Variants in ERC1 observed in about 807,000 individuals in gnomAD.
The protein encoded by ERC1 is ELKS/RAB6-interacting/CAST family member 1.
Under a neutral mutation model 132.0 loss-of-function variants are expected in ERC1, and 56 were observed. That is an observed-to-expected ratio of 0.42 (90% CI 0.34 to 0.53). ERC1 has a LOEUF of 0.53. ERC1 is among the 20% of genes least tolerant of loss of function. The probability of loss-of-function intolerance (pLI) is 0.03; values close to 1 mark genes in which losing one functional copy is unlikely to be tolerated. For synonymous variants in ERC1, 478 were observed against 476.1 expected, an observed-to-expected ratio of 1.00 and a Z score of -0.05; for missense variants, 1,202 against 1,349.9, an observed-to-expected ratio of 0.89 and a Z score of 1.72.
chr12:1,468,853 G>A (rs958109806), intron 18 of ERC1, among the ~76,000 whole-genome samples: 4 of 152,168 alleles, frequency 2.6e-5, no homozygotes, highest in Non-Finnish European at 5.9e-5. Context: ...AAGCTAAGTG[G>A]CAGAGTTAGA....
intron 17 of ERC1, among the ~76,000 whole-genome samples, chr12:1,417,684 GGCAGGAGAATCACTTTAAC>G (rs2092186915): frequency 6.6e-6 from 1 of 151,604 alleles, no homozygotes; most frequent in Non-Finnish European, 1.5e-5. Flanking sequence ...GGAAGGCTGA[GGCAGGAGAATCACTTTAAC>G]GCAGGAGACA....
intron 12 of ERC1, among the ~76,000 whole-genome samples, chr12:1,213,180 T>C (rs1958039792): frequency 6.6e-6 from 1 of 152,202 alleles, no homozygotes; most frequent in African/African-American, 2.4e-5. Flanking sequence ...TTCCTGACTC[T>C]TTCTGCCTAA....
chr12:1,225,485 C>A (rs1382988218), intron 12 of ERC1, among the ~76,000 whole-genome samples: 1 of 151,496 alleles, frequency 6.6e-6, no homozygotes, highest in Non-Finnish European at 1.5e-5. Context: ...CACACACACA[C>A]ACACACACGG....
chr12:1,480,805 T>G (rs1026691950), intron 18 of ERC1: 3 of 702,264 alleles, frequency 4.3e-6, no homozygotes, highest in Admixed American at 2.0e-5. Flanking sequence ...AGGGGAAGTT[T>G]CAGACACTAA....
intron 13 of ERC1, among the ~76,000 whole-genome samples, chr12:1,259,667 C>T (rs1405467801): frequency 2.6e-5 from 4 of 151,532 alleles, no homozygotes; most frequent in Non-Finnish European, 4.4e-5. Flanking sequence ...GGATTACAGG[C>T]GCCCGCCACA....
intron 18 of ERC1, among the ~76,000 whole-genome samples, chr12:1,474,335 A>G (rs948966474): frequency 6.6e-6 from 1 of 152,236 alleles, no homozygotes; most frequent in African/African-American, 2.4e-5. Context: ...AATCTGAGTC[A>G]CTGCCAACCA....
intron 17 of ERC1, among the ~76,000 whole-genome samples, chr12:1,424,876 A>C (rs529108066): frequency 4.2e-4 from 62 of 147,182 alleles, no homozygotes; most frequent in Admixed American, 1.8e-3. Context: ...ATAGATAGAT[A>C]GATAGATAGA....
intron 2 of ERC1, among the ~76,000 whole-genome samples, chr12:1,067,502 T>C (rs903625227): frequency 5.3e-5 from 8 of 152,202 alleles, no homozygotes; most frequent in African/African-American, 1.9e-4. Flanking sequence ...TTAGTAGAAA[T>C]GCTTGCTTAC....
At chr12:1,295,301 ACCT>A (rs2079829427) in intron 15 of ERC1, among the ~76,000 whole-genome samples, 1 of 152,130 alleles carries the variant, frequency 6.6e-6, no homozygotes. Flanking sequence ...TGGCCAGATG[ACCT>A]CCTGAGGTCC....
intron 16 of ERC1, among the ~76,000 whole-genome samples, chr12:1,401,848 C>T (rs1441777270): frequency 6.6e-6 from 1 of 151,094 alleles, no homozygotes. Context: ...GGCAAGTTAA[C>T]GTATATGAAA....
intron 15 of ERC1, among the ~76,000 whole-genome samples, chr12:1,371,528 A>G (rs867651351): frequency 1.6e-4 from 21 of 129,824 alleles, no homozygotes; most frequent in African/African-American, 3.2e-4. Flanking sequence ...GGGGTGAATG[A>G]TGCTGTTGGC....
At chr12:1,136,477 A>T (rs972641022) in intron 7 of ERC1, among the ~76,000 whole-genome samples, 1 of 152,184 alleles carries the variant, frequency 6.6e-6, no homozygotes, top group Non-Finnish European at 1.5e-5. Flanking sequence ...TATTTTGGCA[A>T]CATTCTTCTC....
chr12:1,166,277 C>T (rs1952422344), intron 8 of ERC1, among the ~76,000 whole-genome samples: 1 of 152,156 alleles, frequency 6.6e-6, no homozygotes. Context: ...CTCACGAGAT[C>T]TGATGGTTTT....
intron 17 of ERC1, among the ~76,000 whole-genome samples, chr12:1,410,922 CTG>C (rs1565378818): frequency 6.6e-6 from 1 of 151,680 alleles, no homozygotes; most frequent in East Asian, 1.9e-4. Flanking sequence ...AAAAAAAAAA[CTG>C]TACTGTGAAC....
At chr12:1,346,636 GTTTA>G (rs1189557868) in intron 15 of ERC1, among the ~76,000 whole-genome samples, 1 of 152,192 alleles carries the variant, frequency 6.6e-6, no homozygotes, top group South Asian at 2.1e-4. Flanking sequence ...TGTGACATTT[GTTTA>G]TTTAAGAGAT....
rs866343336 is a variant in ERC1, at chr12:1,440,620, G to T, written c.3025-3942G>T. Reference sequence around the variant, plus strand: ...GCCTTTTGTGTGTGTGTGTGTGTGTGTGTGTGTGTGTGTGTGTGTGTGTGT... The same window carrying T: ...GCCTTTTGTGTGTGTGTGTGTGTGTTTGTGTGTGTGTGTGTGTGTGTGTGT... On this transcript the variant is annotated intron_variant, in intron 17 of 18. Coordinates refer to ENST00000360905, the MANE Select transcript of ERC1 (RefSeq NM_178040.4). Among the ~76,000 whole-genome samples the T allele has an allele frequency of 2.5e-3, 236 of 94,294 alleles. 31 individuals are homozygous for T. The highest frequency in any genetic ancestry group is 0.019 in the African/African-American group (217 of 11,416). 61.9% of individuals were successfully genotyped at this position (94,294 alleles called of 152,430 possible). A position where few individuals can be genotyped will look rare whatever the true frequency, so the allele number is the denominator to read the frequency against.
chr12:1,451,753 CG>C (rs1319031935), intron 18 of ERC1, among the ~76,000 whole-genome samples: 1 of 152,060 alleles, frequency 6.6e-6, no homozygotes. Context: ...TATCAACTTC[CG>C]TTATGGCCAG....
chr12:1,104,126 TAAAA>T (rs368864717), intron 3 of ERC1, among the ~76,000 whole-genome samples: 2 of 125,216 alleles, frequency 1.6e-5, no homozygotes, highest in South Asian at 2.5e-4. Context: ...AAAATTTGGG[TAAAA>T]AAAAAAAAAA....
intron 14 of ERC1, among the ~76,000 whole-genome samples, chr12:1,284,534 G>T (rs1221424491): frequency 6.6e-6 from 1 of 152,116 alleles, no homozygotes; most frequent in Admixed American, 6.6e-5. Context: ...CATAGTTGCT[G>T]TACTAATTTA....
Sources: allele counts gnomAD v4.1 joint callset (sites outside exome capture counted in the v4.1 genomes callset), GRCh38; gene constraint gnomAD v4.1.1; transcripts MANE v1.5; gene names NCBI Gene and HGNC (gene_info 2026-07-23, HGNC 2026-07-21).